Variants in FAM168A observed in about 807,000 individuals in gnomAD.
The protein encoded by FAM168A is family with sequence similarity 168 member A.
In FAM168A, 3 loss-of-function variants were observed where a neutral mutation model predicts 28.5. The observed-to-expected ratio is 0.11, with a 90% CI of 0.05 to 0.27. The LOEUF (loss-of-function observed/expected upper bound fraction) is 0.27, where lower values mean the gene tolerates loss of function less well. Among genes scored for constraint, FAM168A ranks in the 10% least tolerant of loss-of-function variants. The probability of loss-of-function intolerance (pLI) is 1.00; values close to 1 mark genes in which losing one functional copy is unlikely to be tolerated. For synonymous variants in FAM168A, 122 were observed against 124.2 expected (o/e 0.98, Z 0.12); for missense variants, 222 against 311.5 (o/e 0.71, Z 2.16).
chr11:73,442,016 A>G (rs1426435284), intron 2 of FAM168A, among the ~76,000 whole-genome samples: 1 of 150,610 alleles, frequency 6.6e-6, no homozygotes, highest in Non-Finnish European at 1.5e-5. Context: ...TATTTCACTG[A>G]TTTCTTTATC....
At chr11:73,573,761 C>T (rs76099977) in intron 1 of FAM168A, among the ~76,000 whole-genome samples, 103 of 152,200 alleles carry the variant, frequency 6.8e-4, no homozygotes, top group African/African-American at 2.4e-3. Flanking sequence ...AGTTCGAAAC[C>T]AGTCTGGGCA....
At chr11:73,488,124 TG>T (rs201141026) in intron 1 of FAM168A, among the ~76,000 whole-genome samples, 1 of 151,016 alleles carries the variant, frequency 6.6e-6, no homozygotes, top group African/African-American at 2.5e-5. Context: ...TATTTTCATG[TG>T]GGGCCTTTTT....
chr11:73,437,940 T>C (rs1170894904), intron 2 of FAM168A, among the ~76,000 whole-genome samples: 2 of 152,182 alleles, frequency 1.3e-5, no homozygotes, highest in African/African-American at 4.8e-5. Context: ...GACTTCAATT[T>C]ACAAATCCCC....
At chr11:73,455,620 A>G (rs1028612736) in intron 2 of FAM168A, among the ~76,000 whole-genome samples, 1 of 152,214 alleles carries the variant, frequency 6.6e-6, no homozygotes, top group Non-Finnish European at 1.5e-5. Context: ...GAGTCTATGG[A>G]GGTACCATAA....
chr11:73,489,579 C>T (rs930805718), intron 1 of FAM168A, among the ~76,000 whole-genome samples: 2 of 151,288 alleles, frequency 1.3e-5, no homozygotes, highest in African/African-American at 2.4e-5. Context: ...GGCACAACCA[C>T]GGCTCACTGT....
At chr11:73,545,403 T>C (rs540760789) in intron 1 of FAM168A, among the ~76,000 whole-genome samples, 2 of 152,078 alleles carry the variant, frequency 1.3e-5, no homozygotes, top group South Asian at 2.1e-4. Flanking sequence ...TTATATGAAA[T>C]ATCCTGAATA....
intron 2 of FAM168A, among the ~76,000 whole-genome samples, chr11:73,464,223 C>T (rs139041984): frequency 1.7e-3 from 261 of 149,320 alleles, no homozygotes; most frequent in Non-Finnish European, 2.9e-3. Flanking sequence ...GGAAAAATCC[C>T]ACAAAAGTTC....
At chr11:73,412,730 C>A (rs955838767) in intron 4 of FAM168A, among the ~76,000 whole-genome samples, 1 of 152,144 alleles carries the variant, frequency 6.6e-6, no homozygotes, top group African/African-American at 2.4e-5. Flanking sequence ...TGAAGCCCTG[C>A]TGGGGAGGTG....
intron 1 of FAM168A, among the ~76,000 whole-genome samples, chr11:73,594,381 G>T (rs1358411770): frequency 6.6e-6 from 1 of 151,730 alleles, no homozygotes; most frequent in Non-Finnish European, 1.5e-5. Context: ...TTATGGGCGT[G>T]AGCCACTATG....
At chr11:73,424,389 A>G (rs994355321) in intron 3 of FAM168A, among the ~76,000 whole-genome samples, 3 of 152,028 alleles carry the variant, frequency 2.0e-5, no homozygotes, top group African/African-American at 7.3e-5. Context: ...GTCAAGTTAT[A>G]CTGTTGGGAC....
At chr11:73,490,880 G>T (rs1384087436) in intron 1 of FAM168A, among the ~76,000 whole-genome samples, 3 of 152,074 alleles carry the variant, frequency 2.0e-5, no homozygotes, top group Non-Finnish European at 2.9e-5. Context: ...TGGTGATTCA[G>T]ATTTTAATCT....
At chr11:73,435,155 C>T (rs1371626088) in intron 2 of FAM168A, among the ~76,000 whole-genome samples, 1 of 152,186 alleles carries the variant, frequency 6.6e-6, no homozygotes, top group Non-Finnish European at 1.5e-5. Context: ...TCCCTAAATC[C>T]TTTCCAATTC....
intron 1 of FAM168A, among the ~76,000 whole-genome samples, chr11:73,530,780 CCTGA>C (rs1398977047): frequency 1.3e-5 from 2 of 152,092 alleles, no homozygotes; most frequent in African/African-American, 4.8e-5. Flanking sequence ...TCAACTGGAT[CCTGA>C]CTAAGTAGGA....
intron 2 of FAM168A, among the ~76,000 whole-genome samples, chr11:73,462,568 A>G (rs1337176687): frequency 6.6e-6 from 1 of 152,210 alleles, no homozygotes; most frequent in Non-Finnish European, 1.5e-5. Flanking sequence ...ATGCCACTAA[A>G]TAGTACACAC....
intron 1 of FAM168A, among the ~76,000 whole-genome samples, chr11:73,519,162 A>G (rs758978203): frequency 2.5e-4 from 38 of 151,914 alleles, no homozygotes; most frequent in Non-Finnish European, 4.7e-4. Context: ...TCTTGCCACA[A>G]CTCCATCAAG....
intron 1 of FAM168A, among the ~76,000 whole-genome samples, chr11:73,490,776 T>C (rs1868116932): frequency 6.6e-6 from 1 of 152,222 alleles, no homozygotes; most frequent in Non-Finnish European, 1.5e-5. Flanking sequence ...CCTTGCTTTA[T>C]TTTTCCTCTT....
intron 1 of FAM168A, among the ~76,000 whole-genome samples, chr11:73,490,634 A>C (rs1225836564): frequency 6.6e-6 from 1 of 152,172 alleles, no homozygotes; most frequent in Non-Finnish European, 1.5e-5. Flanking sequence ...TCTCTGCCTG[A>C]AATGTTCTTC....
chr11:73,508,865 A>C (rs1335317483), intron 1 of FAM168A, among the ~76,000 whole-genome samples: 1 of 152,194 alleles, frequency 6.6e-6, no homozygotes, highest in Non-Finnish European at 1.5e-5. Flanking sequence ...GTTTGTGCGT[A>C]TATGTTGAAT....
At chr11:73,498,887 G>A (rs947258807) in intron 1 of FAM168A, among the ~76,000 whole-genome samples, 25 of 152,292 alleles carry the variant, frequency 1.6e-4, no homozygotes, top group South Asian at 4.1e-4. Context: ...AGCCCCTAGC[G>A]GGGACGGGTA....
Sources: allele counts gnomAD v4.1 joint callset (sites outside exome capture counted in the v4.1 genomes callset), GRCh38; gene constraint gnomAD v4.1.1; transcripts MANE v1.5; gene names NCBI Gene and HGNC (gene_info 2026-07-23, HGNC 2026-07-21).